Variants in MAP4 observed in about 807,000 individuals in gnomAD.
The protein encoded by MAP4 is microtubule associated protein 4.
In MAP4, 76 loss-of-function variants were observed where a neutral mutation model predicts 170.2. The observed-to-expected ratio is 0.45, with a 90% CI of 0.37 to 0.54. The LOEUF is 0.54. Among genes scored for constraint, MAP4 ranks in the 20% least tolerant of loss-of-function variants. MAP4 has a pLI of 0.00. For missense variants in MAP4, 2,506 were observed against 2,748.0 expected, an observed-to-expected ratio of 0.91 and a Z score of 1.97; for synonymous variants, 909 against 994.5, an observed-to-expected ratio of 0.91 and a Z score of 1.62.
At position 47,975,671 on chromosome 3, in the gene MAP4, T is replaced by C. The variant is rs142021914; in HGVS notation, c.292+2194A>G. Among the ~76,000 whole-genome samples, 5 of 152,274 alleles carry C rather than the reference T, an allele frequency of 3.3e-5. No individual in the cohort carries two copies. The East Asian group carries it at 9.6e-4, about 29-fold the overall frequency. ...ATTTTCAAAATGGCATTGAGTTAGA[T>C]GCTCCAGGTAGTGATGGCCAAATTA... On this transcript the variant is annotated intron_variant, in intron 3 of 20. Coordinates refer to ENST00000683076, the MANE Select transcript of MAP4 (RefSeq NM_001385682.1).
At chr3:48,075,695 C>T (rs1034449968) in intron 1 of MAP4, among the ~76,000 whole-genome samples, 2 of 151,738 alleles carry the variant, frequency 1.3e-5, no homozygotes, top group Non-Finnish European at 2.9e-5. Context: ...GATTTTGGGC[C>T]GGGCGCAGTG....
chr3:47,904,160 T>TC (rs2100031609), intron 9 of MAP4, among the ~76,000 whole-genome samples: 2 of 152,180 alleles, frequency 1.3e-5, no homozygotes, highest in South Asian at 4.1e-4. Context: ...CCCTGGCACT[T>TC]CACCAGCTAT....
chr3:47,976,987 CAT>C (rs1559673459), intron 3 of MAP4, among the ~76,000 whole-genome samples: 1 of 152,110 alleles, frequency 6.6e-6, no homozygotes, highest in East Asian at 1.9e-4. Flanking sequence ...CTGAGGTATG[CAT>C]ATAAGAGAAA....
At chr3:48,002,954 A>AAAT (rs1553716046) in intron 1 of MAP4, among the ~76,000 whole-genome samples, 2 of 144,686 alleles carry the variant, frequency 1.4e-5, no homozygotes, top group South Asian at 2.2e-4. Flanking sequence ...ATTAAGGCCA[A>AAAT]AAATAAATAA....
chr3:47,921,272 G>A (rs1269206426), intron 5 of MAP4, among the ~76,000 whole-genome samples: 3 of 152,154 alleles, frequency 2.0e-5, no homozygotes, highest in African/African-American at 7.2e-5. Context: ...AGCTTCAAAG[G>A]TGATGTGTGA....
intron 6 of MAP4, among the ~76,000 whole-genome samples, chr3:47,917,789 C>A (rs1338088483): frequency 6.6e-6 from 1 of 152,066 alleles, no homozygotes; most frequent in Non-Finnish European, 1.5e-5. Context: ...ATCTGTGGGA[C>A]AGCAGGTCAG....
chr3:48,061,927 C>T (rs1189409540), intron 1 of MAP4, among the ~76,000 whole-genome samples: 1 of 150,684 alleles, frequency 6.6e-6, no homozygotes, highest in African/African-American at 2.4e-5. Flanking sequence ...AGGTGGGGGG[C>T]ACCTCTGCCC....
intron 10 of MAP4, among the ~76,000 whole-genome samples, chr3:47,886,007 C>A (rs527931470): frequency 1.3e-5 from 2 of 152,310 alleles, no homozygotes; most frequent in South Asian, 4.1e-4. Flanking sequence ...GGATTACGGG[C>A]GTGAGCCACC....
chr3:48,083,415 G>A (rs2154571390), intron 1 of MAP4, among the ~76,000 whole-genome samples: 1 of 152,318 alleles, frequency 6.6e-6, no homozygotes, highest in African/African-American at 2.4e-5. Context: ...GCCCAGGCTG[G>A]AGTGCAATGG....
intron 3 of MAP4, among the ~76,000 whole-genome samples, chr3:47,961,998 C>T (rs1185765629): frequency 6.6e-6 from 1 of 152,092 alleles, no homozygotes; most frequent in Admixed American, 6.5e-5. Context: ...CTCGAGTTGC[C>T]CTCAGGGTTT....
At chr3:48,075,304 C>A (rs1330907904) in intron 1 of MAP4, among the ~76,000 whole-genome samples, 2 of 152,042 alleles carry the variant, frequency 1.3e-5, no homozygotes, top group Non-Finnish European at 2.9e-5. Context: ...TCAGGCGGAT[C>A]ACTTGAGGTC....
intron 1 of MAP4, among the ~76,000 whole-genome samples, chr3:48,072,027 C>G (rs1195037661): frequency 6.6e-6 from 1 of 151,706 alleles, no homozygotes; most frequent in Non-Finnish European, 1.5e-5. Flanking sequence ...TCGAGACCAG[C>G]CTGGCTACTA....
intron 1 of MAP4, among the ~76,000 whole-genome samples, chr3:48,086,065 T>C (rs1338057213): frequency 6.8e-6 from 1 of 147,534 alleles, no homozygotes; most frequent in Non-Finnish European, 1.5e-5. Flanking sequence ...AAAATATATA[T>C]ATATGTGTGT....
At chr3:48,032,309 A>G (rs544628770) in intron 1 of MAP4, among the ~76,000 whole-genome samples, 95 of 152,120 alleles carry the variant, frequency 6.2e-4, no homozygotes, top group Non-Finnish European at 1.2e-3. Context: ...GGCCTGGCCA[A>G]CATGGTGAAA....
At chr3:48,026,787 C>A (rs2100113339) in intron 1 of MAP4, among the ~76,000 whole-genome samples, 1 of 152,122 alleles carries the variant, frequency 6.6e-6, no homozygotes, top group Non-Finnish European at 1.5e-5. Flanking sequence ...CCATATAGAA[C>A]CACCAACAAT....
At chr3:47,907,688 C>T (rs1018323752) in intron 9 of MAP4, among the ~76,000 whole-genome samples, 1 of 152,092 alleles carries the variant, frequency 6.6e-6, no homozygotes, top group Admixed American at 6.5e-5. Flanking sequence ...TGGGATTTCA[C>T]AGAAATTACA....
chr3:47,855,078 TCA>T lies in MAP4; in HGVS notation c.6696+168_6696+169del, dbSNP rs1402091657. 1.8e-6 allele frequency: 1 copy of T among 566,450 alleles called. No homozygotes were observed. Among genetic ancestry groups the T allele is most frequent in the Admixed American group, 2.9e-5 (1 of 34,200 alleles). 35.1% of individuals were successfully genotyped at this position (566,450 alleles called of 1,614,324 possible). ...GGGCTGGGGCCTCTTCACTTCTGCC[TCA>T]GTCAGGACTGATGATACACGGTGGG... is the stretch of plus-strand genomic sequence containing the variant. On this transcript the variant is annotated intron_variant, in intron 19 of 20. Transcript: ENST00000683076. This position sits in a 1 kb window ranked among gnomAD's most constrained non-coding sequence, Gnocchi z 5.1.
chr3:48,018,200 G>A (rs1253913573), upstream of MAP4, among the ~76,000 whole-genome samples: 6 of 152,132 alleles, frequency 3.9e-5, no homozygotes, highest in African/African-American at 1.4e-4. Context: ...CCGAGGGTTG[G>A]GGACCCCCCA....
chr3:47,909,928 G>A lies in MAP4; in HGVS notation c.4493C>T (p.Ala1498Val), dbSNP rs770945350. 13 of 1,613,998 alleles carry A rather than the reference G, an allele frequency of 8.1e-6. No individual in the cohort carries two copies. Among genetic ancestry groups the A allele is most frequent in the Non-Finnish European group, 5.9e-6 (7 of 1,179,868 alleles). The change falls in exon 9 of 21, where the codon GCT becomes GTT. Residue 1498 changes from alanine to valine, a missense_variant. Physicochemically the swap from Ala to Val is moderately conservative, Grantham distance 64. Around this residue, in one of 3 missense-constraint regions of MAP4, gnomAD observed 2,008 missense variants for 2,206.0 expected, o/e 0.91. Transcript: ENST00000683076. ...PGQERPKGPS[A>V]VVPSTSTGGV... ...TCCTGTGCTTGTAGAGGGCACAACAGCAGAGGGACCCTTGGGTCTTTCTTG... is the reference window on the plus strand; with the variant it reads ...TCCTGTGCTTGTAGAGGGCACAACAACAGAGGGACCCTTGGGTCTTTCTTG...
Sources: gnomAD v4.1 joint callset for allele counts (sites outside exome capture counted in the v4.1 genomes callset) on GRCh38, gnomAD v4.1.1 for gene constraint, gnomAD v4.1.1 regional missense constraint, Gnocchi (gnomAD v3.1) non-coding constraint, MANE v1.5 for transcripts, NCBI Gene and HGNC (gene_info 2026-07-23, HGNC 2026-07-21) for gene names.